EPM2A: variants seen among roughly 807,000 people sequenced by gnomAD.
EPM2A encodes EPM2A glucan phosphatase, laforin.
In EPM2A, 21 loss-of-function variants were observed where a neutral mutation model predicts 26.5. The ratio of observed to expected loss-of-function variants is 0.79; its 90% CI spans 0.56 to 1.14. EPM2A has a LOEUF of 1.14. Ranked by LOEUF, EPM2A falls within the 50% of genes most tolerant of loss-of-function variation. The probability of loss-of-function intolerance (pLI) is 0.00; values close to 1 mark genes in which losing one functional copy is unlikely to be tolerated. For synonymous variants in EPM2A, 217 were observed against 177.6 expected (o/e 1.22, Z -1.76); for missense variants, 458 against 440.8 (o/e 1.04, Z -0.35).
intron 2 of EPM2A, among the ~76,000 whole-genome samples, chr6:145,672,956 T>TA (rs1318837352): frequency 6.6e-6 from 1 of 152,192 alleles, no homozygotes. Flanking sequence ...TCAGAGCCTC[T>TA]AATCTGTGCT....
At chr6:145,404,587 G>C (rs1582729315) in intron 4 of EPM2A, among the ~76,000 whole-genome samples, 1 of 151,922 alleles carries the variant, frequency 6.6e-6, no homozygotes, top group Admixed American at 6.6e-5. Context: ...TTTGCACTTC[G>C]TTTCAATGGT....
chr6:145,657,158 C>T (rs770567958), intron 2 of EPM2A, among the ~76,000 whole-genome samples: 2 of 149,420 alleles, frequency 1.3e-5, no homozygotes, highest in South Asian at 4.2e-4. Context: ...GGCAGGACCT[C>T]GGCTCACTGC....
chr6:145,709,103 C>A (rs1782391941), intron 1 of EPM2A, among the ~76,000 whole-genome samples: 1 of 152,166 alleles, frequency 6.6e-6, no homozygotes, highest in Non-Finnish European at 1.5e-5. Flanking sequence ...AAGTAACTAA[C>A]TTGCTTTTGA....
chr6:145,608,545 A>G (rs1775318246), intron 2 of EPM2A, among the ~76,000 whole-genome samples: 2 of 152,166 alleles, frequency 1.3e-5, no homozygotes, highest in Admixed American at 1.3e-4. Context: ...CCGGTAAATG[A>G]GAAGAAATGT....
chr6:145,618,794 G>A (rs570554460), intron 2 of EPM2A, among the ~76,000 whole-genome samples: 2 of 152,254 alleles, frequency 1.3e-5, no homozygotes, highest in South Asian at 2.1e-4. Flanking sequence ...GTCACGTTAA[G>A]GATTTTTTAC....
chr6:145,621,922 T>C (rs919261828), downstream of EPM2A, among the ~76,000 whole-genome samples: 4 of 152,216 alleles, frequency 2.6e-5, no homozygotes, highest in Admixed American at 6.5e-5. Flanking sequence ...TTTCTGTTAC[T>C]GTGCAGAAAC....
At chr6:145,722,920 ACT>A in intron 1 of EPM2A, 2 of 259,038 alleles carry the variant, frequency 7.7e-6, no homozygotes, top group South Asian at 7.5e-5. Flanking sequence ...TAAGAAACCA[ACT>A]CTGACGGCAC....
At chr6:145,575,209 T>C (rs763598106) in intron 2 of EPM2A, among the ~76,000 whole-genome samples, 1 of 152,156 alleles carries the variant, frequency 6.6e-6, no homozygotes, top group Non-Finnish European at 1.5e-5. Flanking sequence ...ATGTTGCCAC[T>C]ACTGGGGATG....
intron 1 of EPM2A, chr6:145,705,507 A>ATT (rs1226953690): frequency 2.2e-6 from 1 of 452,844 alleles, no homozygotes; most frequent in Non-Finnish European, 4.4e-6. Context: ...GTGAGGCAAG[A>ATT]TTACGCCACT....
chr6:145,513,146 A>C (rs1562364922), intron 2 of EPM2A, among the ~76,000 whole-genome samples: 1 of 152,228 alleles, frequency 6.6e-6, no homozygotes, highest in African/African-American at 2.4e-5. Context: ...AAATATTGAC[A>C]AATTATGCCT....
At chr6:145,690,905 T>G (rs1781239079) in intron 1 of EPM2A, among the ~76,000 whole-genome samples, 1 of 151,438 alleles carries the variant, frequency 6.6e-6, no homozygotes, top group Non-Finnish European at 1.5e-5. Flanking sequence ...AGGAAAGAAT[T>G]CACAGACTTC....
intron 4 of EPM2A, among the ~76,000 whole-genome samples, chr6:145,437,643 C>T (rs1214556588): frequency 6.6e-6 from 1 of 152,150 alleles, no homozygotes; most frequent in African/African-American, 2.4e-5. Context: ...AACAAATAAA[C>T]AAACAGTCTC....
intron 1 of EPM2A, chr6:145,705,790 T>G (rs1468974322): frequency 2.3e-6 from 1 of 442,488 alleles, no homozygotes; most frequent in African/African-American, 2.0e-5. Context: ...GCAAGCCACA[T>G]AACAAAGATA....
intron 2 of EPM2A, among the ~76,000 whole-genome samples, chr6:145,509,293 CT>C (rs1178014395): frequency 1.3e-5 from 2 of 152,042 alleles, no homozygotes; most frequent in Admixed American, 6.5e-5. Context: ...AGTCATCAGA[CT>C]ATCCAAGGTC....
chr6:145,395,397 G>T (rs1778391434), intron 4 of EPM2A, among the ~76,000 whole-genome samples: 1 of 152,076 alleles, frequency 6.6e-6, no homozygotes. Flanking sequence ...TCCTAATTCA[G>T]CCCTATGGGG....
Position 145,652,379 on chromosome 6 carries a change from A to AGGAAATGCT in EPM2A, c.477-16902_477-16894dup, listed in dbSNP as rs1012168751. Among the ~76,000 whole-genome samples, 134 of 152,296 alleles carry AGGAAATGCT rather than the reference A, an allele frequency of 8.8e-4. 1 individual carries two copies. The highest frequency in any genetic ancestry group is 3.2e-3 in the African/African-American group (131 of 41,566). On this transcript the variant is annotated intron_variant, in intron 2 of 3. Coordinates refer to ENST00000367519, the MANE Select transcript of EPM2A (RefSeq NM_005670.4). ...TAATTTTCTGATGGAAACTGTTGAAAGGAAATGCTGCAACAAGTAATTTGG... is the reference window on the plus strand; with the variant it reads ...TAATTTTCTGATGGAAACTGTTGAAAGGAAATGCTGGAAATGCTGCAACAAGTAATTTGG...
intron 3 of EPM2A, 164 bp downstream of exon 3, chr6:145,635,081 T>G: frequency 1.3e-6 from 1 of 746,856 alleles, no homozygotes; most frequent in Non-Finnish European, 2.1e-6. Context: ...AACAGAATCT[T>G]AGCCACAGTG....
intron 4 of EPM2A, among the ~76,000 whole-genome samples, chr6:145,392,603 G>A (rs527827735): frequency 9.1e-4 from 138 of 152,106 alleles, no homozygotes; most frequent in African/African-American, 3.1e-3. Context: ...GGGCCACCAG[G>A]CAGTAGAGTC....
chr6:145,524,027 T>C (rs1780237801), intron 2 of EPM2A, among the ~76,000 whole-genome samples: 1 of 152,194 alleles, frequency 6.6e-6, no homozygotes. Context: ...CATTTACAAA[T>C]GAGAACATGT....
Sources: allele counts gnomAD v4.1 joint callset (sites outside exome capture counted in the v4.1 genomes callset), GRCh38; gene constraint gnomAD v4.1.1; transcripts MANE v1.5; gene names NCBI Gene and HGNC (gene_info 2026-07-23, HGNC 2026-07-21).